Variants in HRH1 observed in about 807,000 individuals in gnomAD.
HRH1 encodes histamine H1 receptor.
Under a neutral mutation model 10.3 loss-of-function variants are expected in HRH1, and 6 were observed. The ratio of observed to expected loss-of-function variants is 0.58; its 90% CI spans 0.32 to 1.15. The LOEUF (loss-of-function observed/expected upper bound fraction) is 1.15, where lower values mean the gene tolerates loss of function less well. Among genes scored for constraint, HRH1 ranks in the 50% most tolerant of loss-of-function variants. The probability of loss-of-function intolerance (pLI) is 0.05; values close to 1 mark genes in which losing one functional copy is unlikely to be tolerated. For missense variants in HRH1, 514 were observed against 615.3 expected (o/e 0.84, Z 1.74); for synonymous variants, 242 against 236.7 (o/e 1.02, Z -0.21).
intron 1 of HRH1, among the ~76,000 whole-genome samples, chr3:11,182,526 G>A (rs1036056111): frequency 5.3e-5 from 8 of 152,214 alleles, no homozygotes; most frequent in African/African-American, 1.9e-4. Context: ...TTTCATGGAT[G>A]AAGGAACTCA....
intron 1 of HRH1, among the ~76,000 whole-genome samples, chr3:11,224,463 C>T (rs976162722): frequency 2.0e-5 from 3 of 152,098 alleles, no homozygotes; most frequent in Non-Finnish European, 4.4e-5. Flanking sequence ...TTTGGGAGGC[C>T]GCGGCAGGCG....
intron 1 of HRH1, among the ~76,000 whole-genome samples, chr3:11,190,899 GGCCTCAGTGCTTGCCACACATGCT>G (rs1937521408): frequency 6.6e-6 from 1 of 152,054 alleles, no homozygotes; most frequent in African/African-American, 2.4e-5. Flanking sequence ...TCCGCATTTG[GGCCTCAGTGCTTGCCACACATGCT>G]GCCTCCGAGG....
At chr3:11,190,268 T>C (rs1463745972) in intron 1 of HRH1, among the ~76,000 whole-genome samples, 1 of 151,870 alleles carries the variant, frequency 6.6e-6, no homozygotes, top group Non-Finnish European at 1.5e-5. Context: ...TCCCAGAACT[T>C]TGAGAGGCCA....
intron 1 of HRH1, among the ~76,000 whole-genome samples, chr3:11,240,426 A>T (rs1939301153): frequency 6.6e-6 from 1 of 152,052 alleles, no homozygotes; most frequent in Non-Finnish European, 1.5e-5. Context: ...TGTGAGTGGC[A>T]GCTGCCCTCT....
rs1939905099 is a variant in HRH1 at position 11,260,073 on chromosome 3, A to G, written c.1036A>G (p.Ile346Val). Reference sequence around the variant, plus strand: ...CCTGAACACACATGGGGCCAGCGAGATATCAGAGGATCAGATGTTAGGTGA... The same window carrying G: ...CCTGAACACACATGGGGCCAGCGAGGTATCAGAGGATCAGATGTTAGGTGA... Reference protein sequence around the residue: ...QGLNTHGASEISEDQMLGDSQ... With the variant: ...QGLNTHGASEVSEDQMLGDSQ... The change falls in exon 2 of 2, where the codon ATA becomes GTA. Residue 346 changes from isoleucine (I) to valine (V), a missense_variant. Physicochemically the swap from Ile to Val is conservative, Grantham distance 29 (BLOSUM62 3). Transcript: ENST00000431010. 2.5e-6 allele frequency: 4 copies of G among 1,614,044 alleles called. No homozygotes were observed. The highest frequency in any genetic ancestry group is 1.1e-5 in the South Asian group (1 of 91,082).
In HRH1 at chr3:11,260,277, G is replaced by T; in HGVS notation, c.1240G>T (p.Ala414Ser). 1.9e-6 allele frequency: 3 copies of T among 1,614,156 alleles called. No homozygotes were observed. The highest frequency in any genetic ancestry group is 2.5e-6 in the Non-Finnish European group (3 of 1,180,014). Residue 414 changes from alanine (A) to serine (S), a missense_variant, in exon 2 of 2, where the codon GCC becomes TCC. By Grantham distance (99) the Ala-to-Ser change is moderately conservative. Transcript: ENST00000431010. ...GLHMNRERKA[A>S]KQLGFIMAAF... Reference sequence around the variant, plus strand: ...GCACATGAACCGCGAAAGGAAGGCCGCCAAACAGTTGGGTTTTATCATGGC... The same window carrying T: ...GCACATGAACCGCGAAAGGAAGGCCTCCAAACAGTTGGGTTTTATCATGGC...
intron 1 of HRH1, among the ~76,000 whole-genome samples, chr3:11,148,094 C>A (rs1482937216): frequency 6.6e-6 from 1 of 151,366 alleles, no homozygotes; most frequent in Admixed American, 6.6e-5. Flanking sequence ...GCAGGAGAAA[C>A]GCTTGAACCC....
chr3:11,259,122 C>G lies in HRH1; in HGVS notation c.85C>G (p.Pro29Ala), dbSNP rs200695584. 6.2e-7 allele frequency: 1 copy of G among 1,614,164 alleles called. No homozygotes were observed. Among genetic ancestry groups the G allele is most frequent in the South Asian group, 1.1e-5 (1 of 91,082 alleles). ...CACTATGGCCAGCCCCCAGCTGATG[C>G]CCCTGGTGGTGGTCCTGAGCACTAT... Reference protein sequence around the residue: ...KTTMASPQLMPLVVVLSTICL... With the variant: ...KTTMASPQLMALVVVLSTICL... Residue 29 changes from proline (P) to alanine (A), a missense_variant, in exon 2 of 2, where the codon CCC becomes GCC. Coordinates refer to ENST00000431010, the MANE Select transcript of HRH1 (RefSeq NM_001098212.2). This position sits in a 1 kb window ranked among gnomAD's most constrained non-coding sequence, Gnocchi z 4.6.
At chr3:11,209,377 G>A (rs1559271945) in intron 1 of HRH1, among the ~76,000 whole-genome samples, 1 of 152,132 alleles carries the variant, frequency 6.6e-6, no homozygotes, top group Admixed American at 6.5e-5. Context: ...TAAATACTGG[G>A]ATTATGGGCA....
chr3:11,213,411 A>G (rs1938391181), intron 1 of HRH1, among the ~76,000 whole-genome samples: 1 of 152,228 alleles, frequency 6.6e-6, no homozygotes, highest in Non-Finnish European at 1.5e-5. Flanking sequence ...GGTTTGCAAG[A>G]TAAAGGAGAT....
intron 1 of HRH1, among the ~76,000 whole-genome samples, chr3:11,197,292 A>G (rs996350051): frequency 6.6e-6 from 1 of 152,160 alleles, no homozygotes; most frequent in Non-Finnish European, 1.5e-5. Context: ...CTTTCGATTT[A>G]TAATTGCTTC....
At chr3:11,225,330 T>C (rs943313888) in intron 1 of HRH1, among the ~76,000 whole-genome samples, 5 of 152,214 alleles carry the variant, frequency 3.3e-5, no homozygotes, top group African/African-American at 1.2e-4. Context: ...GAACCAGGCC[T>C]GGCCGGCTGG....
intron 1 of HRH1, among the ~76,000 whole-genome samples, chr3:11,163,613 G>A (rs1033813334): frequency 6.6e-6 from 1 of 152,140 alleles, no homozygotes; most frequent in Admixed American, 6.5e-5. Context: ...AGGTTGTGAG[G>A]CCTCACCCCT....
chr3:11,229,399 G>C (rs980567096), intron 1 of HRH1, among the ~76,000 whole-genome samples: 2 of 152,162 alleles, frequency 1.3e-5, no homozygotes, highest in Admixed American at 1.3e-4. Flanking sequence ...AACAGCCTAA[G>C]GAGTTTGAAC....
rs1939917536 is a variant in HRH1, at chr3:11,260,298, A to G, written c.1261A>G (p.Met421Val). The G allele has an allele frequency of 2.5e-6, 4 of 1,614,154 alleles. No individual in the cohort carries two copies. Among genetic ancestry groups the G allele is most frequent in the Non-Finnish European group, 3.4e-6 (4 of 1,179,998 alleles). ...GGCCGCCAAACAGTTGGGTTTTATC[A>G]TGGCAGCCTTCATCCTCTGCTGGAT... is the stretch of plus-strand genomic sequence containing the variant. ...RKAAKQLGFI[M>V]AAFILCWIPY... is the part of the protein sequence containing the mutation. The change falls in exon 2 of 2, where the codon ATG becomes GTG. Residue 421 changes from methionine to valine, a missense_variant. Coordinates refer to ENST00000431010, the MANE Select transcript of HRH1 (RefSeq NM_001098212.2).
chr3:11,181,218 G>A (rs1937346130), intron 1 of HRH1, among the ~76,000 whole-genome samples: 1 of 152,210 alleles, frequency 6.6e-6, no homozygotes, highest in African/African-American at 2.4e-5. Context: ...CCGGGAGGTT[G>A]AGGCTGCTGT....
At chr3:11,174,024 C>T (rs930468562) in intron 1 of HRH1, among the ~76,000 whole-genome samples, 6 of 152,332 alleles carry the variant, frequency 3.9e-5, no homozygotes, top group Admixed American at 2.0e-4. Context: ...CCTGGGAAAA[C>T]TCCTACTCAT....
At chr3:11,203,141 C>G (rs953992770) in intron 1 of HRH1, among the ~76,000 whole-genome samples, 6 of 152,088 alleles carry the variant, frequency 3.9e-5, no homozygotes, top group African/African-American at 1.4e-4. Context: ...CATAGTTTAC[C>G]CATTCACTTA....
chr3:11,158,327 C>G (rs1936857717), intron 1 of HRH1, among the ~76,000 whole-genome samples: 1 of 152,208 alleles, frequency 6.6e-6, no homozygotes, highest in African/African-American at 2.4e-5. Flanking sequence ...CAGCACTCTG[C>G]AAAGTGCTTT....
Sources: gnomAD v4.1 joint callset for allele counts (sites outside exome capture counted in the v4.1 genomes callset) on GRCh38, gnomAD v4.1.1 for gene constraint, Gnocchi (gnomAD v3.1) non-coding constraint, MANE v1.5 for transcripts, NCBI Gene and HGNC (gene_info 2026-07-23, HGNC 2026-07-21) for gene names.